SELENOF: variants seen among roughly 807,000 people sequenced by gnomAD.
The protein encoded by SELENOF is selenoprotein F, also known as 15 kDa selenoprotein.
SELENOF carries 16 observed loss-of-function variants against 20.5 expected under a neutral mutation model. The ratio of observed to expected loss-of-function variants is 0.78; its 90% CI spans 0.53 to 1.19. The LOEUF is 1.19. SELENOF is among the 50% of genes most tolerant of loss of function. SELENOF has a pLI of 0.00. For missense variants in SELENOF, 215 were observed against 194.2 expected, an observed-to-expected ratio of 1.11 and a Z score of -0.64; for synonymous variants, 78 against 74.5, an observed-to-expected ratio of 1.05 and a Z score of -0.24.
chr1:86,880,909 C>T (rs1016423984), intron 2 of SELENOF, among the ~76,000 whole-genome samples, 184 bp from the exon 3 acceptor site: 2 of 152,074 alleles, frequency 1.3e-5, no homozygotes, highest in African/African-American at 4.8e-5. Context: ...GATGGAGGCC[C>T]AAGTATAATA....
At chr1:86,904,674 T>C (rs1333800446) in intron 1 of SELENOF, among the ~76,000 whole-genome samples, 1 of 152,226 alleles carries the variant, frequency 6.6e-6, no homozygotes, top group African/African-American at 2.4e-5. Flanking sequence ...ATCTTTATTT[T>C]TTCCTAACAC....
At position 86,899,501 on chromosome 1, in the gene SELENOF, C is replaced by T. The variant is rs574334397; in HGVS notation, c.252+3780G>A. ...CCCAGTAGGGGCGGCCGGGCAGAGG[C>T]GTCCCTCACCTCCCGGACGGGGCGG... On this transcript the variant is annotated intron_variant, in intron 2 of 4. Coordinates refer to ENST00000331835, the MANE Select transcript of SELENOF (RefSeq NM_004261.5). Among the ~76,000 whole-genome samples the T allele has an allele frequency of 8.5e-5, 12 of 140,754 alleles. No individual in the cohort carries two copies. In the East Asian group the frequency reaches 2.3e-3, roughly 27 times the overall value. The allele number at this position is 140,754 out of a possible 152,430, so 92.3% of individuals were successfully genotyped here.
intron 4 of SELENOF, among the ~76,000 whole-genome samples, chr1:86,865,399 A>G (rs557728684): frequency 6.6e-6 from 1 of 152,316 alleles, no homozygotes; most frequent in South Asian, 2.1e-4. Flanking sequence ...ATAAAGGTTT[A>G]ATATCCAGAA....
rs562817416 is a variant in SELENOF at position 86,868,992 on chromosome 1, A to T, written c.317-890T>A. On this transcript the variant is annotated intron_variant, in intron 3 of 4. Transcript: ENST00000331835. ...GTACAAATATACAAATGGTCAATAA[A>T]CATTTGAAATAAATGTTCAACTTCA... 2.6e-5 allele frequency among the ~76,000 whole-genome samples: 4 copies of T among 152,372 alleles called. No individual in the cohort carries two copies. The South Asian group carries it at 8.3e-4, about 32-fold the overall frequency.
At chr1:86,910,755 T>A (rs898264079) in intron 1 of SELENOF, among the ~76,000 whole-genome samples, 2 of 150,636 alleles carry the variant, frequency 1.3e-5, no homozygotes, top group African/African-American at 4.9e-5. Context: ...CCAGCTAGAG[T>A]TGCACAGCTA....
intron 2 of SELENOF, among the ~76,000 whole-genome samples, chr1:86,897,641 T>C (rs1659560354): frequency 6.6e-6 from 1 of 152,186 alleles, no homozygotes; most frequent in Non-Finnish European, 1.5e-5. Context: ...CCATTCTACA[T>C]AGCTACTATG....
chr1:86,884,096 C>G (rs971789237), intron 2 of SELENOF, among the ~76,000 whole-genome samples: 1 of 151,950 alleles, frequency 6.6e-6, no homozygotes, highest in Admixed American at 6.6e-5. Flanking sequence ...TCTTAATTTC[C>G]CCCAGAATCA....
Position 86,880,741 on chromosome 1 carries a change from C to T in SELENOF, c.253-16G>A, listed in dbSNP as rs770361176. 6.6e-7 allele frequency: 1 copy of T among 1,519,840 alleles called. No individual in the cohort carries two copies. Among genetic ancestry groups the T allele is most frequent in the South Asian group, 1.3e-5 (1 of 76,790 alleles). The allele number at this position is 1,519,840 out of a possible 1,614,324, so 94.1% of individuals were successfully genotyped here. A position where few individuals can be genotyped will look rare whatever the true frequency, so the allele number is the denominator to read the frequency against. Reference sequence around the variant, plus strand: ...CTGCATACAGCTACAAAAGGAAAAACAGGAATTTAAAAAACTGGTATAAAT... The same window carrying T: ...CTGCATACAGCTACAAAAGGAAAAATAGGAATTTAAAAAACTGGTATAAAT... On this transcript the variant is annotated splice_polypyrimidine_tract_variant and intron_variant, in intron 2 of 4. Coordinates refer to ENST00000331835, the MANE Select transcript of SELENOF (RefSeq NM_004261.5).
intron 3 of SELENOF, among the ~76,000 whole-genome samples, chr1:86,873,552 A>G (rs902349196): frequency 5.9e-5 from 9 of 152,172 alleles, no homozygotes; most frequent in African/African-American, 1.2e-4. Context: ...TTAGTTTTAT[A>G]TAATTTTAAA....
intron 1 of SELENOF, among the ~76,000 whole-genome samples, chr1:86,911,422 C>T (rs1326863920): frequency 6.6e-6 from 1 of 152,220 alleles, no homozygotes; most frequent in African/African-American, 2.4e-5. Context: ...TTGTACCTTT[C>T]TGCTCTCCTA....
chr1:86,898,592 T>TC (rs1659587209), intron 2 of SELENOF, among the ~76,000 whole-genome samples: 1 of 149,720 alleles, frequency 6.7e-6, no homozygotes, highest in Non-Finnish European at 1.5e-5. Context: ...TTTTTTTTTT[T>TC]TTTTTTTGAG....
chr1:86,888,491 T>C (rs1659286492), intron 2 of SELENOF, among the ~76,000 whole-genome samples: 1 of 152,124 alleles, frequency 6.6e-6, no homozygotes, highest in Admixed American at 6.5e-5. Context: ...CCCAGGTTGG[T>C]CTCAAACTCC....
intron 1 of SELENOF, among the ~76,000 whole-genome samples, chr1:86,911,175 G>C (rs559374145): frequency 3.9e-5 from 6 of 152,348 alleles, no homozygotes; most frequent in African/African-American, 1.4e-4. Flanking sequence ...CACACAGAAA[G>C]ACTCTTAATC....
At chr1:86,890,958 G>A (rs1659367828) in intron 2 of SELENOF, among the ~76,000 whole-genome samples, 1 of 151,170 alleles carries the variant, frequency 6.6e-6, no homozygotes, top group Non-Finnish European at 1.5e-5. Flanking sequence ...TCTTTTAGTG[G>A]TTACCTTCGT....
rs565851308 is a variant in SELENOF, at chr1:86,903,359, G to A, written c.174C>T (p.Leu58=). 46 of 1,612,124 alleles carry A rather than the reference G, an allele frequency of 2.9e-5. No homozygotes were observed. The highest frequency in any genetic ancestry group is 3.3e-5 in the South Asian group (3 of 90,650). ...CCAGCTGAAGCAGGTTGAACTGTCC[G>A]AGAAGATCACAAGAGCTGCAAAGCA... The part of the protein sequence containing the change: ...SNLLCSSCDL[L]GQFNLLQLDP... Residue 58 remains leucine (L), a synonymous_variant, in exon 2 of 5, where the codon CTC becomes CTT. Coordinates refer to ENST00000331835, the MANE Select transcript of SELENOF (RefSeq NM_004261.5).
intron 4 of SELENOF, among the ~76,000 whole-genome samples, chr1:86,867,757 T>G (rs1365339177): frequency 7.8e-6 from 1 of 128,136 alleles, no homozygotes; most frequent in African/African-American, 3.0e-5. Context: ...TTGTAACAAA[T>G]GTACCACACC....
chr1:86,898,577 CTTCTT>C (rs1416659264), intron 2 of SELENOF, among the ~76,000 whole-genome samples: 2 of 141,338 alleles, frequency 1.4e-5, no homozygotes, highest in African/African-American at 5.5e-5. Context: ...ACTTTCTCTT[CTTCTT>C]TTTTTTTTTT....
intron 3 of SELENOF, among the ~76,000 whole-genome samples, chr1:86,872,491 C>T (rs1024431817): frequency 6.6e-6 from 1 of 152,142 alleles, no homozygotes; most frequent in South Asian, 2.1e-4. Context: ...GCCTCAGCCT[C>T]CCGAGCAGCT....
intron 2 of SELENOF, among the ~76,000 whole-genome samples, chr1:86,886,439 T>G (rs1285418515): frequency 6.6e-6 from 1 of 152,096 alleles, no homozygotes; most frequent in Non-Finnish European, 1.5e-5. Flanking sequence ...AGTACTTTTT[T>G]TTTTTTCCCT....
Sources: allele counts gnomAD v4.1 joint callset (sites outside exome capture counted in the v4.1 genomes callset), GRCh38; gene constraint gnomAD v4.1.1; transcripts MANE v1.5; gene names NCBI Gene and HGNC (gene_info 2026-07-23, HGNC 2026-07-21).